The following MCF2L2 variants were observed in gnomAD, a reference collection of about 807,000 sequenced individuals.
The protein encoded by MCF2L2 is probable guanine nucleotide exchange factor MCF2L2.
In MCF2L2, 102 loss-of-function variants were observed where a neutral mutation model predicts 150.2. The ratio of observed to expected loss-of-function variants is 0.68; its 90% CI spans 0.58 to 0.80. The LOEUF is 0.80. Among genes scored for constraint, MCF2L2 ranks in the 30% least tolerant of loss-of-function variants. The pLI is 0.00. For missense variants in MCF2L2, 1,256 were observed against 1,372.8 expected (o/e 0.91, Z 1.34); for synonymous variants, 465 against 491.3 (o/e 0.95, Z 0.71).
intron 1 of MCF2L2, among the ~76,000 whole-genome samples, chr3:183,410,437 G>A (rs1715265231): frequency 6.6e-6 from 1 of 152,166 alleles, no homozygotes; most frequent in Admixed American, 6.5e-5. Flanking sequence ...GGGACCCATG[G>A]GTGACTCAGC....
At chr3:183,289,344 G>T in intron 13 of MCF2L2, 124 bp from the exon 14 acceptor site, 1 of 639,820 alleles carries the variant, frequency 1.6e-6, no homozygotes, top group Non-Finnish European at 2.8e-6. Context: ...CACTTGAGCT[G>T]CTGCGTTGAT....
At chr3:183,337,585 A>C (rs1044022093) in intron 5 of MCF2L2, among the ~76,000 whole-genome samples, 1 of 151,942 alleles carries the variant, frequency 6.6e-6, no homozygotes, top group African/African-American at 2.4e-5. Context: ...AAAAAAAAGA[A>C]ACTATCAGCC....
chr3:183,315,891 A>G (rs1729583193), intron 7 of MCF2L2, among the ~76,000 whole-genome samples: 2 of 152,186 alleles, frequency 1.3e-5, no homozygotes, highest in South Asian at 4.1e-4. Flanking sequence ...TTTTCTCCAG[A>G]GACCTTCCTG....
chr3:183,283,656 G>C lies in MCF2L2; in HGVS notation c.1776+5464C>G, dbSNP rs6794001. Reference sequence around the variant, plus strand: ...CCTGCCTCAGCCTCCTGAGTAGCTGGGATTACAGGTGCCCGCCACCATGCC... The same window carrying C: ...CCTGCCTCAGCCTCCTGAGTAGCTGCGATTACAGGTGCCCGCCACCATGCC... On this transcript the variant is annotated intron_variant, in intron 14 of 29. Coordinates refer to ENST00000328913, the MANE Select transcript of MCF2L2 (RefSeq NM_015078.4). This position sits in a 1 kb window ranked among gnomAD's most constrained non-coding sequence, Gnocchi z 4.2. Among the ~76,000 whole-genome samples, 1 of 151,790 alleles carries C rather than the reference G, an allele frequency of 6.6e-6. No individual in the cohort carries two copies. Among genetic ancestry groups the C allele is most frequent in the Non-Finnish European group, 1.5e-5 (1 of 67,956 alleles).
At chr3:183,204,463 G>GATA (rs3075571) in intron 25 of MCF2L2, among the ~76,000 whole-genome samples, 78,505 of 148,868 alleles carry the variant, frequency 0.53, 21,245 homozygotes, top group East Asian at 0.66. Context: ...GGATGGCAAT[G>GATA]ATAATAATAA....
At position 183,305,599 on chromosome 3, in the gene MCF2L2, C is replaced by T. The variant is rs919453963; in HGVS notation, c.1113+4117G>A. ...GGCGCAGTGGGTCACGCCTGTAATC[C>T]CAGCACTTTGGGAAGCCAAGGCCGG... On this transcript the variant is annotated intron_variant, in intron 10 of 29. Coordinates refer to ENST00000328913, the MANE Select transcript of MCF2L2 (RefSeq NM_015078.4). This position sits in a 1 kb window ranked among gnomAD's most constrained non-coding sequence, Gnocchi z 4.1. 6.6e-6 allele frequency among the ~76,000 whole-genome samples: 1 copy of T among 152,176 alleles called. No homozygotes were observed. The highest frequency in any genetic ancestry group is 1.5e-5 in the Non-Finnish European group (1 of 68,032).
chr3:183,373,198 T>G (rs1221269962), intron 3 of MCF2L2: 1 of 152,218 alleles, frequency 6.6e-6, no homozygotes, highest in Non-Finnish European at 1.5e-5. Context: ...CGGCACCTGA[T>G]GGGCTAAAAC....
At chr3:183,373,102 TC>T (rs1213237387) in intron 3 of MCF2L2, 2 of 152,184 alleles carry the variant, frequency 1.3e-5, no homozygotes, top group Non-Finnish European at 2.9e-5. Context: ...TATCTTACAT[TC>T]TGAGAAAGTG....
At chr3:183,361,741 T>C (rs1712220368) in intron 3 of MCF2L2, among the ~76,000 whole-genome samples, 1 of 152,258 alleles carries the variant, frequency 6.6e-6, no homozygotes, top group African/African-American at 2.4e-5. Flanking sequence ...TTGTTTTTGC[T>C]CTAATAATGG....
intron 19 of MCF2L2, 142 bp from the exon 20 acceptor site, chr3:183,223,580 G>A (rs569952074): frequency 3.2e-6 from 2 of 633,748 alleles, no homozygotes; most frequent in African/African-American, 3.7e-5. Flanking sequence ...TAAGGCTGTG[G>A]GGTTGTTCTT....
At chr3:183,240,201 G>A (rs916198148) in intron 15 of MCF2L2, among the ~76,000 whole-genome samples, 5 of 152,180 alleles carry the variant, frequency 3.3e-5, no homozygotes, top group Non-Finnish European at 7.3e-5. Context: ...TCTTCCACCA[G>A]TCTATTTTGC....
At chr3:183,211,475 G>A (rs1328554035) in intron 22 of MCF2L2, among the ~76,000 whole-genome samples, 7 of 152,128 alleles carry the variant, frequency 4.6e-5, no homozygotes. Flanking sequence ...CCATCTCCAC[G>A]CCCAAGGTCC....
chr3:183,384,979 C>T (rs1713749908), intron 2 of MCF2L2, among the ~76,000 whole-genome samples: 2 of 152,114 alleles, frequency 1.3e-5, no homozygotes, highest in Admixed American at 6.5e-5. Flanking sequence ...CTCTCACCTG[C>T]ACTACCGAAT....
At chr3:183,230,296 T>C (rs1723500117) in intron 16 of MCF2L2, among the ~76,000 whole-genome samples, 1 of 152,150 alleles carries the variant, frequency 6.6e-6, no homozygotes, top group African/African-American at 2.4e-5. Context: ...GTATTTTTAG[T>C]AGAGACAGGG....
rs974617501 is a variant in MCF2L2, at chr3:183,229,846, T to C, written c.1930-65A>G. ...CATACCAGAGATCATCTGAATTAGC[T>C]ACTGCAAAACCCAAAACTTTAGTGA... On this transcript the variant is annotated intron_variant, in intron 16 of 29. Transcript: ENST00000328913. 3 of 680,164 alleles carry C rather than the reference T, an allele frequency of 4.4e-6. No individual in the cohort carries two copies. The African/African-American group carries it at 5.5e-5, about 13-fold the overall frequency. The allele number at this position is 680,164 out of a possible 1,614,324, so 42.1% of individuals were successfully genotyped here. A position where few individuals can be genotyped will look rare whatever the true frequency, so the allele number is the denominator to read the frequency against.
intron 1 of MCF2L2, among the ~76,000 whole-genome samples, chr3:183,391,613 G>C (rs1023414884): frequency 6.6e-6 from 1 of 152,176 alleles, no homozygotes; most frequent in Non-Finnish European, 1.5e-5. Context: ...GCATGGGGTG[G>C]AAGTGGGGGG....
chr3:183,368,672 G>A (rs181331642), intron 3 of MCF2L2, among the ~76,000 whole-genome samples: 193 of 152,320 alleles, frequency 1.3e-3, no homozygotes, highest in African/African-American at 4.4e-3. Context: ...GCTGAGGCAG[G>A]AGAACTGCTT....
At position 183,318,055 on chromosome 3, in the gene MCF2L2, A is replaced by G; in HGVS notation, c.753+13T>C. On this transcript the variant is annotated intron_variant, in intron 7 of 29. Transcript: ENST00000328913. ...CACAGACACTGGCCTCTGAGAGGTC[A>G]CTGACCGCTCACCTGCAGCTTGTCC... 6.2e-7 allele frequency: 1 copy of G among 1,612,340 alleles called. No homozygotes were observed. Among genetic ancestry groups the G allele is most frequent in the Non-Finnish European group, 8.5e-7 (1 of 1,179,318 alleles).
At chr3:183,225,773 A>G (rs1301576917) in intron 18 of MCF2L2, 1 of 152,242 alleles carries the variant, frequency 6.6e-6, no homozygotes, top group Non-Finnish European at 1.5e-5. Flanking sequence ...CAATGGATAG[A>G]GTACTCAAAA....
Sources: gnomAD v4.1 joint callset for allele counts (sites outside exome capture counted in the v4.1 genomes callset) on GRCh38, gnomAD v4.1.1 for gene constraint, Gnocchi (gnomAD v3.1) non-coding constraint, MANE v1.5 for transcripts, NCBI Gene and HGNC (gene_info 2026-07-23, HGNC 2026-07-21) for gene names.